PCDHGA5: variants seen among roughly 807,000 people sequenced by gnomAD.
PCDHGA5 encodes the protein protocadherin gamma subfamily A, 5, also known as protocadherin gamma-A5.
Under a neutral mutation model 56.7 loss-of-function variants are expected in PCDHGA5, and 36 were observed. The observed-to-expected ratio is 0.64, with a 90% CI of 0.49 to 0.84. PCDHGA5 has a LOEUF of 0.84. PCDHGA5 is among the 40% of genes least tolerant of loss of function. PCDHGA5 has a pLI of 0.00. For synonymous variants in PCDHGA5, 563 were observed against 520.2 expected (o/e 1.08, Z -1.12); for missense variants, 1,305 against 1,201.5 (o/e 1.09, Z -1.27).
Position 141,376,289 on chromosome 5 carries a change from C to G in PCDHGA5, c.2421+9538C>G, listed in dbSNP as rs778496260. 2.5e-6 allele frequency: 4 copies of G among 1,614,176 alleles called. No individual in the cohort carries two copies. Among genetic ancestry groups the G allele is most frequent in the African/African-American group, 2.7e-5 (2 of 75,056 alleles). ...TTCGGGAGGTGGCTTAGCGAGCATG[C>G]CCGGCTCGCACTTTGTGGGCGTGGA... On this transcript the variant is annotated intron_variant, in intron 1 of 3. Coordinates refer to ENST00000518069, the MANE Select transcript of PCDHGA5 (RefSeq NM_018918.3).
At chr5:141,372,392 T>G in intron 1 of PCDHGA5, 2 of 1,614,052 alleles carry the variant, frequency 1.2e-6, no homozygotes, top group East Asian at 2.2e-5. Flanking sequence ...TCTTCGCAGA[T>G]AGCTTGCAAG....
At chr5:141,492,312 C>G (rs1470136040) in intron 1 of PCDHGA5, among the ~76,000 whole-genome samples, 3 of 152,230 alleles carry the variant, frequency 2.0e-5, no homozygotes, top group Non-Finnish European at 4.4e-5. Context: ...CGCACGCACT[C>G]CTCGCACGTG....
chr5:141,428,757 G>T (rs1216855355), intron 1 of PCDHGA5: 1 of 154,176 alleles, frequency 6.5e-6, no homozygotes, highest in Non-Finnish European at 1.4e-5. Context: ...CTTCAGGTTT[G>T]TTTGCCCACT....
At chr5:141,427,856 C>T (rs1487451079) in intron 1 of PCDHGA5, 6 of 1,553,060 alleles carry the variant, frequency 3.9e-6, no homozygotes, top group Non-Finnish European at 5.3e-6. Flanking sequence ...AGCAGCTGTG[C>T]GCCTTCGAGC....
chr5:141,441,762 C>T (rs3805697), intron 1 of PCDHGA5: 63,073 of 367,490 alleles, frequency 0.17, 6,544 homozygotes, highest in Admixed American at 0.27. Context: ...CGTGAGCCTG[C>T]GCGTGTTGGT....
At position 141,365,231 on chromosome 5, in the gene PCDHGA5, A is replaced by G; in HGVS notation, c.901A>G (p.Ile301Val). Residue 301 changes from isoleucine (I) to valine (V), a missense_variant, in exon 1 of 4, where the codon ATC (isoleucine) becomes GTC (valine). Physicochemically the swap from Ile to Val is conservative, Grantham distance 29. Coordinates refer to ENST00000518069, the MANE Select transcript of PCDHGA5 (RefSeq NM_018918.3). ...TFQLDSNLGEISTLQSLDYEE... is the reference protein window; with the variant it reads ...TFQLDSNLGEVSTLQSLDYEE... ...CCAACTTGATTCCAACCTGGGGGAA[A>G]TCTCAACTCTACAATCACTGGACTA... is the stretch of plus-strand genomic sequence containing the variant. The G allele has an allele frequency of 6.2e-7, 1 of 1,613,980 alleles. No individual in the cohort carries two copies. The highest frequency in any genetic ancestry group is 8.5e-7 in the Non-Finnish European group (1 of 1,179,894).
intron 2 of PCDHGA5, among the ~76,000 whole-genome samples, chr5:141,503,456 A>G (rs920770738): frequency 1.3e-5 from 2 of 152,058 alleles, no homozygotes; most frequent in African/African-American, 4.8e-5. Context: ...TTCGCTGGGC[A>G]TGGTGGCATG....
intron 1 of PCDHGA5, among the ~76,000 whole-genome samples, chr5:141,480,753 G>A (rs1418880497): frequency 1.3e-5 from 2 of 152,144 alleles, no homozygotes; most frequent in Non-Finnish European, 2.9e-5. Flanking sequence ...ATCATTTTTT[G>A]AAGGTCCCCA....
chr5:141,432,416 C>T lies in PCDHGA5; in HGVS notation c.2422-62391C>T. 4 of 1,614,258 alleles carry T rather than the reference C, an allele frequency of 2.5e-6. No individual in the cohort carries two copies. Among genetic ancestry groups the T allele is most frequent in the Non-Finnish European group, 3.4e-6 (4 of 1,180,048 alleles). ...CAACGTGTCGTTGAGCCTGTTCGTG[C>T]TGGACCAGAACGACAATGCGCCCGA... On this transcript the variant is annotated intron_variant, in intron 1 of 3. Coordinates refer to ENST00000518069, the MANE Select transcript of PCDHGA5 (RefSeq NM_018918.3). The surrounding 1 kb of genome is among the most constrained non-coding windows in gnomAD (Gnocchi z 6.0).
At chr5:141,415,359 G>C in intron 1 of PCDHGA5, 2 of 1,614,246 alleles carry the variant, frequency 1.2e-6, no homozygotes, top group Non-Finnish European at 1.7e-6. Flanking sequence ...AGTCACGCCT[G>C]CTGCAGGCTT....
At chr5:141,423,256 G>C (rs751894091) in intron 1 of PCDHGA5, 1 of 1,613,934 alleles carries the variant, frequency 6.2e-7, no homozygotes. Flanking sequence ...GGCGGACCTC[G>C]GCAGCCTCGA....
intron 1 of PCDHGA5, chr5:141,410,263 A>G (rs532833925): frequency 1.4e-5 from 22 of 1,613,876 alleles, no homozygotes; most frequent in African/African-American, 2.7e-5. Flanking sequence ...CCCAGGCTGA[A>G]CTGCAGTTTT....
At chr5:141,371,062 G>C in intron 1 of PCDHGA5, 1 of 1,613,974 alleles carries the variant, frequency 6.2e-7, no homozygotes, top group African/African-American at 1.3e-5. Context: ...CCCTCCAGAA[G>C]CTGTACCACC....
At chr5:141,378,925 T>C (rs1202116224) in intron 1 of PCDHGA5, 1 of 152,246 alleles carries the variant, frequency 6.6e-6, no homozygotes, top group African/African-American at 2.4e-5. Context: ...CAAAAGTAAG[T>C]TGATGGCCCT....
intron 1 of PCDHGA5, chr5:141,413,040 C>G: frequency 1.2e-6 from 1 of 840,546 alleles, no homozygotes; most frequent in Non-Finnish European, 1.8e-6. Flanking sequence ...GGCTGCTGGG[C>G]TGCAGGGAAG....
chr5:141,432,366 A>T lies in PCDHGA5; in HGVS notation c.2422-62441A>T. The T allele has an allele frequency of 6.2e-7, 1 of 1,614,204 alleles. No homozygotes were observed. Among genetic ancestry groups the T allele is most frequent in the Non-Finnish European group, 8.5e-7 (1 of 1,180,034 alleles). On this transcript the variant is annotated intron_variant, in intron 1 of 3. Coordinates refer to ENST00000518069, the MANE Select transcript of PCDHGA5 (RefSeq NM_018918.3). This position sits in a 1 kb window ranked among gnomAD's most constrained non-coding sequence, Gnocchi z 6.0. Reference sequence around the variant, plus strand: ...TTGCAAGTGAAAGTGATGGCGCGGGACAACGGGCACCCGCCCCTCAGCAGC... The same window carrying T: ...TTGCAAGTGAAAGTGATGGCGCGGGTCAACGGGCACCCGCCCCTCAGCAGC...
chr5:141,469,510 G>T (rs1022804863), intron 1 of PCDHGA5, among the ~76,000 whole-genome samples: 3 of 152,118 alleles, frequency 2.0e-5, no homozygotes, highest in African/African-American at 7.2e-5. Context: ...GGGAGGTGGA[G>T]GTTGCAGTGA....
At chr5:141,374,300 C>A (rs746754972) in intron 1 of PCDHGA5, 38 of 1,613,830 alleles carry the variant, frequency 2.4e-5, no homozygotes, top group Non-Finnish European at 3.1e-5. Flanking sequence ...AGGTAGGATG[C>A]AGCTTTTCTC....
intron 1 of PCDHGA5, among the ~76,000 whole-genome samples, chr5:141,447,375 T>C (rs1431576261): frequency 6.6e-6 from 1 of 152,030 alleles, no homozygotes; most frequent in African/African-American, 2.4e-5. Context: ...CTGACCCTGG[T>C]GATCTGCCCA....
Sources: allele counts gnomAD v4.1 joint callset (sites outside exome capture counted in the v4.1 genomes callset), GRCh38; gene constraint gnomAD v4.1.1; non-coding constraint Gnocchi (gnomAD v3.1); transcripts MANE v1.5; gene names NCBI Gene and HGNC (gene_info 2026-07-23, HGNC 2026-07-21).